LRRC56: variants seen among roughly 807,000 people sequenced by gnomAD.
LRRC56 encodes the protein leucine-rich repeat-containing protein 56.
Under a neutral mutation model 47.8 loss-of-function variants are expected in LRRC56, and 41 were observed. That is an observed-to-expected ratio of 0.86 (90% CI 0.67 to 1.11). The LOEUF is 1.11. Among genes scored for constraint, LRRC56 ranks in the 50% most tolerant of loss-of-function variants. The pLI is 0.00. For synonymous variants in LRRC56, 387 were observed against 311.2 expected, an observed-to-expected ratio of 1.24 and a Z score of -2.56; for missense variants, 759 against 704.2, an observed-to-expected ratio of 1.08 and a Z score of -0.88.
intron 6 of LRRC56, among the ~76,000 whole-genome samples, chr11:546,384 T>C (rs1353864738): frequency 1.3e-5 from 2 of 151,760 alleles, no homozygotes; most frequent in Non-Finnish European, 2.9e-5. Flanking sequence ...CTGACTAACA[T>C]GGTGAAACCC....
chr11:550,264 A>G lies in LRRC56; in HGVS notation c.616A>G (p.Thr206Ala). The change falls in exon 8 of 14, where the codon ACC becomes GCC. Residue 206 changes from threonine (T) to alanine (A), a missense_variant. Coordinates refer to ENST00000270115, the MANE Select transcript of LRRC56 (RefSeq NM_198075.4). ...LVCLQPAPGP[T>A]NKVPRGYNYR... ...GTGCCTACAGCCGGCCCCTGGCCCC[A>G]CCAACAAGGTGCGTGTCCCGGGCAC... 6.3e-7 allele frequency: 1 copy of G among 1,591,768 alleles called. No individual in the cohort carries two copies. The highest frequency in any genetic ancestry group is 8.6e-7 in the Non-Finnish European group (1 of 1,168,746).
chr11:525,383 C>T, the LRRC56 span, among the ~76,000 whole-genome samples: 37 of 151,526 alleles, frequency 2.4e-4, no homozygotes, highest in African/African-American at 8.7e-4. Context: ...ACTAAAAACA[C>T]AAAAAATTAG....
At chr11:533,188 C>G, upstream of LRRC56, 4 of 1,220,520 alleles carry the variant, frequency 3.3e-6, no homozygotes, top group South Asian at 1.4e-5. Context: ...TCCGCCTTCC[C>G]CGGAGCTGTG....
chr11:554,815 G>A lies in LRRC56; in HGVS notation c.*539G>A, dbSNP rs1203920453. ...CGGCCCGTTCCCTCCTCTTGGCGCAGGACGCCCCGGAACCCAAACCAACAT... is the reference window on the plus strand; with the variant it reads ...CGGCCCGTTCCCTCCTCTTGGCGCAAGACGCCCCGGAACCCAAACCAACAT... On this transcript the variant is annotated 3_prime_UTR_variant, in exon 14 of 14. Coordinates refer to ENST00000270115, the MANE Select transcript of LRRC56 (RefSeq NM_198075.4). The A allele has an allele frequency of 7.2e-6, 4 of 555,660 alleles. No individual in the cohort carries two copies. The highest frequency in any genetic ancestry group is 1.2e-5 in the Non-Finnish European group (4 of 328,632). The allele number at this position is 555,660 out of a possible 1,614,324, so 34.4% of individuals were successfully genotyped here. A position where few individuals can be genotyped will look rare whatever the true frequency, so the allele number is the denominator to read the frequency against.
At chr11:534,134 G>A, upstream of LRRC56, 2 of 1,291,010 alleles carry the variant, frequency 1.5e-6, no homozygotes, top group East Asian at 2.3e-5. Context: ...ACCAGGGGCT[G>A]CAGCCAGCCC....
At chr11:533,364 TC>T, upstream of LRRC56, 1 of 1,607,074 alleles carries the variant, frequency 6.2e-7, no homozygotes. Flanking sequence ...CTGCCCTGTG[TC>T]AAGGGAGAGG....
In LRRC56 at chr11:539,582, G is replaced by C. The variant is rs1489490684; in HGVS notation, c.-156G>C. ...TTTTTTTTTTTTTGTATTTTTAGTA[G>C]AGACAGGGTTTCACCGTGTTAGCCA... On this transcript the variant is annotated splice_region_variant and 5_prime_UTR_variant, in exon 3 of 14. Transcript: ENST00000270115. 7 of 141,144 alleles carry C rather than the reference G, an allele frequency of 5.0e-5. No individual in the cohort carries two copies. The highest frequency in any genetic ancestry group is 1.9e-4 in the African/African-American group (7 of 37,176). 8.7% of individuals were successfully genotyped at this position (141,144 alleles called of 1,614,324 possible). A position where few individuals can be genotyped will look rare whatever the true frequency, so the allele number is the denominator to read the frequency against.
chr11:525,421 C>T, the LRRC56 span, among the ~76,000 whole-genome samples: 234 of 152,166 alleles, frequency 1.5e-3, 4 homozygotes, highest in Non-Finnish European at 2.8e-4. Flanking sequence ...CGCCTGTAGT[C>T]CCAGCTACTC....
chr11:541,358 G>A lies in LRRC56; in HGVS notation c.178-179G>A, dbSNP rs1851781984. 1.3e-5 allele frequency among the ~76,000 whole-genome samples: 2 copies of A among 152,178 alleles called. No individual in the cohort carries two copies. Among genetic ancestry groups the A allele is most frequent in the South Asian group, 4.1e-4 (2 of 4,836 alleles). On this transcript the variant is annotated intron_variant, in intron 4 of 13. Coordinates refer to ENST00000270115, the MANE Select transcript of LRRC56 (RefSeq NM_198075.4). The surrounding 1 kb of genome is among the most constrained non-coding windows in gnomAD (Gnocchi z 4.1). ...GACCCCCCAGCCAAGTGCAGCACAAGCTCTGCTCCTGTCACATCCACTCCC... is the reference window on the plus strand; with the variant it reads ...GACCCCCCAGCCAAGTGCAGCACAAACTCTGCTCCTGTCACATCCACTCCC...
upstream of LRRC56, chr11:534,191 G>A (rs1202118109): frequency 3.8e-6 from 6 of 1,576,890 alleles, no homozygotes; most frequent in Non-Finnish European, 5.2e-6. Context: ...GCTGGCACCT[G>A]GACGGCGGCG....
chr11:513,405 C>T, the LRRC56 span, among the ~76,000 whole-genome samples: 3,872 of 152,166 alleles, frequency 0.025, 166 homozygotes, highest in African/African-American at 0.088. Context: ...GCCCGCCGTC[C>T]GCCTCAGTGT....
At chr11:531,633 C>T in the LRRC56 span, among the ~76,000 whole-genome samples, 122 of 152,300 alleles carry the variant, frequency 8.0e-4, 1 homozygote, top group South Asian at 0.011. Flanking sequence ...CAGGAGCAGA[C>T]GGACCAGCTG....
chr11:507,864 C>A, the LRRC56 span, among the ~76,000 whole-genome samples: 1 of 152,324 alleles, frequency 6.6e-6, no homozygotes, highest in South Asian at 2.1e-4. Context: ...GCAAGGCCTG[C>A]GGAGCCGCGG....
chr11:523,577 C>T, the LRRC56 span, among the ~76,000 whole-genome samples: 1 of 145,514 alleles, frequency 6.9e-6, no homozygotes, highest in Non-Finnish European at 1.5e-5. Context: ...GTTGCAATGA[C>T]CCAAGATTGC....
intron 5 of LRRC56, among the ~76,000 whole-genome samples, chr11:543,283 T>TGGCTCACTGCAACCTC (rs1415504299): frequency 2.6e-5 from 4 of 151,632 alleles, no homozygotes; most frequent in African/African-American, 9.7e-5. Flanking sequence ...GGTGCAATCT[T>TGGCTCACTGCAACCTC]GGCTCACTGC....
chr11:546,284 G>A (rs1852074639), intron 6 of LRRC56, among the ~76,000 whole-genome samples: 1 of 150,556 alleles, frequency 6.6e-6, no homozygotes, highest in South Asian at 2.1e-4. Flanking sequence ...AAAAAATAAA[G>A]TAGGCCAGGC....
chr11:510,490 C>T, the LRRC56 span, among the ~76,000 whole-genome samples: 15 of 152,200 alleles, frequency 9.9e-5, 1 homozygote, highest in East Asian at 2.9e-3. Flanking sequence ...GTAATCCCAG[C>T]ATGTTGGGAG....
the LRRC56 span, among the ~76,000 whole-genome samples, chr11:518,593 G>A: frequency 6.6e-6 from 1 of 152,182 alleles, no homozygotes; most frequent in African/African-American, 2.4e-5. Context: ...AAAGTGCTGG[G>A]ATTACAGACG....
chr11:527,996 C>T, the LRRC56 span, among the ~76,000 whole-genome samples: 14 of 152,224 alleles, frequency 9.2e-5, no homozygotes, highest in East Asian at 3.9e-4. Context: ...CCACCGCACC[C>T]GGCCAATTTT....
Sources: allele counts gnomAD v4.1 joint callset (sites outside exome capture counted in the v4.1 genomes callset), GRCh38; gene constraint gnomAD v4.1.1; non-coding constraint Gnocchi (gnomAD v3.1); transcripts MANE v1.5; gene names NCBI Gene and HGNC (gene_info 2026-07-23, HGNC 2026-07-21).